Variants in JMJD1C observed in about 807,000 individuals in gnomAD.
JMJD1C encodes the protein jumonji domain-containing protein 1C.
JMJD1C carries 31 observed loss-of-function variants against 245.3 expected under a neutral mutation model. That is an observed-to-expected ratio of 0.13 (90% CI 0.09 to 0.17). The LOEUF is 0.17. Ranked by LOEUF, JMJD1C falls within the 10% of genes least tolerant of loss-of-function variation. JMJD1C has a pLI of 1.00. For missense variants in JMJD1C, 2,691 were observed against 3,000.2 expected (o/e 0.90, Z 2.41); for synonymous variants, 1,057 against 1,017.4 (o/e 1.04, Z -0.74).
At chr10:63,236,301 C>T (rs1188514109) in intron 3 of JMJD1C, among the ~76,000 whole-genome samples, 1 of 152,104 alleles carries the variant, frequency 6.6e-6, no homozygotes, top group Non-Finnish European at 1.5e-5. Context: ...ATTTTAACTA[C>T]AATTTGCTAA....
rs1947089555 is a variant in JMJD1C at position 63,380,104 on chromosome 10, T to TG, written c.333+213_333+214insC. 1.0e-5 allele frequency: 5 copies of TG among 482,874 alleles called. No individual in the cohort carries two copies. In the South Asian group the frequency reaches 1.1e-4, roughly 11 times the overall value. The allele number at this position is 482,874 out of a possible 1,614,324, so 29.9% of individuals were successfully genotyped here. ...ACAGGTATGTGCCACCACATCCAGCTATTTTTTTTTTTTTTTTTTGGTAGA... is the reference window on the plus strand; with the variant it reads ...ACAGGTATGTGCCACCACATCCAGCTGATTTTTTTTTTTTTTTTTTGGTAGA... On this transcript the variant is annotated intron_variant, in intron 2 of 25. Coordinates refer to ENST00000399262, the MANE Select transcript of JMJD1C (RefSeq NM_032776.3).
chr10:63,510,819 A>G (rs776795198), intron 1 of JMJD1C, among the ~76,000 whole-genome samples: 1 of 152,178 alleles, frequency 6.6e-6, no homozygotes, highest in Non-Finnish European at 1.5e-5. Context: ...GTACATTCAT[A>G]TATTTCTCAT....
chr10:63,443,591 C>A (rs565965469), intron 1 of JMJD1C, among the ~76,000 whole-genome samples: 2 of 152,194 alleles, frequency 1.3e-5, no homozygotes, highest in Admixed American at 1.3e-4. Flanking sequence ...GGATTACAGG[C>A]GTGAGCCACT....
In JMJD1C at chr10:63,396,194, T is replaced by C. The variant is rs562754751; in HGVS notation, c.169-15712A>G. On this transcript the variant is annotated intron_variant, in intron 1 of 25. Coordinates refer to ENST00000399262, the MANE Select transcript of JMJD1C (RefSeq NM_032776.3). ...TTCTCCCAAAGGCAATGATGATATATATACAGAGAGATTATACTATACATT... is the reference window on the plus strand; with the variant it reads ...TTCTCCCAAAGGCAATGATGATATACATACAGAGAGATTATACTATACATT... Among the ~76,000 whole-genome samples, 3 of 145,908 alleles carry C rather than the reference T, an allele frequency of 2.1e-5. No individual in the cohort carries two copies. The South Asian group carries it at 6.2e-4, about 30-fold the overall frequency.
chr10:63,492,268 T>A (rs1426545305), intron 1 of JMJD1C, among the ~76,000 whole-genome samples: 1 of 152,116 alleles, frequency 6.6e-6, no homozygotes, highest in East Asian at 1.9e-4. Context: ...TCTTTCAAAG[T>A]CAAGCGGAAA....
intron 1 of JMJD1C, among the ~76,000 whole-genome samples, chr10:63,497,944 A>T (rs535185435): frequency 1.3e-5 from 2 of 152,350 alleles, no homozygotes; most frequent in Admixed American, 1.3e-4. Flanking sequence ...CAGAAAACAA[A>T]GAAAAGATAA....
intron 2 of JMJD1C, among the ~76,000 whole-genome samples, chr10:63,276,465 C>CAAA (rs551525973): frequency 3.2e-5 from 3 of 93,746 alleles, no homozygotes; most frequent in African/African-American, 8.2e-5. Context: ...GATTCCGTCT[C>CAAA]AAAAAAAAAA....
At chr10:63,338,196 G>A (rs1008051042) in intron 2 of JMJD1C, among the ~76,000 whole-genome samples, 4 of 152,200 alleles carry the variant, frequency 2.6e-5, no homozygotes, top group Admixed American at 1.3e-4. Context: ...GTGCACTGGT[G>A]CAATCAGATC....
At chr10:63,226,430 G>C (rs763380860) in intron 3 of JMJD1C, among the ~76,000 whole-genome samples, 8 of 151,850 alleles carry the variant, frequency 5.3e-5, no homozygotes, top group Non-Finnish European at 1.0e-4. Flanking sequence ...GGGGATAATG[G>C]GGCCGGGTGC....
chr10:63,412,660 T>C (rs2132673579), intron 1 of JMJD1C, among the ~76,000 whole-genome samples: 1 of 152,350 alleles, frequency 6.6e-6, no homozygotes, highest in Non-Finnish European at 1.5e-5. Flanking sequence ...CTGTAAATAG[T>C]GCCATGTCAC....
At chr10:63,252,679 C>T (rs187932759) in intron 3 of JMJD1C, among the ~76,000 whole-genome samples, 1 of 152,276 alleles carries the variant, frequency 6.6e-6, no homozygotes, top group African/African-American at 2.4e-5. Context: ...CCTAATACAG[C>T]ACTCTACTGA....
At position 63,421,447 on chromosome 10, in the gene JMJD1C, G is replaced by C. The variant is rs542620828; in HGVS notation, c.169-40965C>G. On this transcript the variant is annotated intron_variant, in intron 1 of 25. Transcript: ENST00000399262. The stretch of plus-strand genomic sequence containing the variant: ...AGAAGAAGAGATTTGTGATGATTGG[G>C]AAGTTGAACTGGTGGAGGTTCTGGA... 4.6e-5 allele frequency among the ~76,000 whole-genome samples: 7 copies of C among 152,304 alleles called. No individual in the cohort carries two copies. The South Asian group carries it at 1.2e-3, about 27-fold the overall frequency.
chr10:63,519,828 T>C (rs78399592), intron 1 of JMJD1C, among the ~76,000 whole-genome samples: 4 of 152,058 alleles, frequency 2.6e-5, no homozygotes, highest in African/African-American at 4.8e-5. Context: ...GGGGTGAAAG[T>C]AGTAAAAGTA....
chr10:63,394,797 T>C (rs1334237984), intron 1 of JMJD1C, among the ~76,000 whole-genome samples: 1 of 147,500 alleles, frequency 6.8e-6, no homozygotes, highest in African/African-American at 2.5e-5. Context: ...TGAGCGGAGA[T>C]CACGCCATTG....
rs1218684026 is a variant in JMJD1C at position 63,476,292 on chromosome 10, TA to T, written n.113+45445del. On this transcript the variant is annotated intron_variant and non_coding_transcript_variant, in intron 1 of 3. Coordinates refer to the JMJD1C transcript ENST00000633035. ...TATAAAGTTGATAATGCACTGAAGGTAATCAGAGCAATAAAAGGCAAATTCT... is the reference window on the plus strand; with the variant it reads ...TATAAAGTTGATAATGCACTGAAGGTATCAGAGCAATAAAAGGCAAATTCT... 6.9e-4 allele frequency among the ~76,000 whole-genome samples: 103 copies of T among 150,156 alleles called. 1 individual carries two copies. The highest frequency in any genetic ancestry group is 6.3e-4 in the South Asian group (3 of 4,792).
At chr10:63,170,512 T>C (rs1842247116) in intron 24 of JMJD1C, among the ~76,000 whole-genome samples, 1 of 152,242 alleles carries the variant, frequency 6.6e-6, no homozygotes, top group African/African-American at 2.4e-5. Context: ...TCTGTTCCAC[T>C]ATCTCACTGG....
intron 1 of JMJD1C, among the ~76,000 whole-genome samples, chr10:63,501,798 C>T (rs2133252657): frequency 6.6e-6 from 1 of 151,960 alleles, no homozygotes; most frequent in Middle Eastern, 3.4e-3. Context: ...CAAAACAAAA[C>T]AAAAAAAGAA....
intron 2 of JMJD1C, chr10:63,269,240 C>T: frequency 2.0e-6 from 2 of 983,714 alleles, no homozygotes; most frequent in South Asian, 4.7e-5. Context: ...GCTTAGGGCA[C>T]ACTGAGAGAA....
chr10:63,231,145 GA>G (rs1849936515), intron 3 of JMJD1C, among the ~76,000 whole-genome samples: 1 of 152,054 alleles, frequency 6.6e-6, no homozygotes, highest in Admixed American at 6.6e-5. Flanking sequence ...CCCCCCTCAA[GA>G]AAAAACCTTA....
Sources: allele counts gnomAD v4.1 joint callset (sites outside exome capture counted in the v4.1 genomes callset), GRCh38; gene constraint gnomAD v4.1.1; transcripts MANE v1.5; gene names NCBI Gene and HGNC (gene_info 2026-07-23, HGNC 2026-07-21).